The following ABI3BP variants were observed in gnomAD, a reference collection of about 807,000 sequenced individuals.
The protein encoded by ABI3BP is ABI family member 3 binding protein, also known as target of Nesh-SH3.
In ABI3BP, 216 loss-of-function variants were observed where a neutral mutation model predicts 268.6. That is an observed-to-expected ratio of 0.80 (90% CI 0.72 to 0.90). ABI3BP has a LOEUF of 0.90. Among genes scored for constraint, ABI3BP ranks in the 40% least tolerant of loss-of-function variants. The probability of loss-of-function intolerance (pLI) is 0.00; values close to 1 mark genes in which losing one functional copy is unlikely to be tolerated. For synonymous variants in ABI3BP, 730 were observed against 730.0 expected, an observed-to-expected ratio of 1.00 and a Z score of 0.00; for missense variants, 2,090 against 2,182.4, an observed-to-expected ratio of 0.96 and a Z score of 0.84.
intron 2 of ABI3BP, among the ~76,000 whole-genome samples, chr3:100,925,166 G>C (rs1026575021): frequency 2.1e-4 from 32 of 152,100 alleles, no homozygotes; most frequent in South Asian, 4.1e-4. Context: ...GCCAGATTTT[G>C]AAGTCCAACA....
chr3:100,857,062 G>A (rs2098948504), intron 14 of ABI3BP, among the ~76,000 whole-genome samples: 4 of 151,978 alleles, frequency 2.6e-5, no homozygotes, highest in Admixed American at 2.6e-4. Flanking sequence ...CACAACCTCT[G>A]AGTAATACTG....
At chr3:100,889,350 C>G (rs977939862) in intron 4 of ABI3BP, among the ~76,000 whole-genome samples, 1 of 152,112 alleles carries the variant, frequency 6.6e-6, no homozygotes, top group African/African-American at 2.4e-5. Context: ...GCCTTTTGTA[C>G]TGCACTGGAC....
intron 45 of ABI3BP, 57 bp downstream of exon 45, chr3:100,813,604 T>C (rs927150359): frequency 9.2e-6 from 12 of 1,299,416 alleles, no homozygotes; most frequent in Non-Finnish European, 1.3e-5. Context: ...CTTAGAGAAT[T>C]ACAGTATGCC....
intron 63 of ABI3BP, among the ~76,000 whole-genome samples, chr3:100,764,114 C>T (rs941623357): frequency 6.6e-6 from 1 of 152,172 alleles, no homozygotes; most frequent in African/African-American, 2.4e-5. Context: ...GCCATTTTGG[C>T]CCTCCGTGTA....
chr3:100,851,026 G>A (rs2098831851), intron 15 of ABI3BP, among the ~76,000 whole-genome samples: 1 of 152,110 alleles, frequency 6.6e-6, no homozygotes, highest in Non-Finnish European at 1.5e-5. Flanking sequence ...ATTGCTAACT[G>A]AACTCACCAC....
rs1053953984 is a variant in ABI3BP at position 100,884,278 on chromosome 3, AAG to A, written c.696+1256_696+1257del. On this transcript the variant is annotated intron_variant, in intron 6 of 67. Transcript: ENST00000471714. ...CCAACCAAACAGACAAGTTAAAAAAAAGAGAGCGAGAAAAAAAAACAGGCCTA... is the reference window on the plus strand; with the variant it reads ...CCAACCAAACAGACAAGTTAAAAAAAAGAGCGAGAAAAAAAAACAGGCCTA... Among the ~76,000 whole-genome samples the A allele has an allele frequency of 6.6e-5, 10 of 152,206 alleles. No individual in the cohort carries two copies. The South Asian group carries it at 2.1e-3, about 32-fold the overall frequency.
chr3:100,992,219 C>G (rs763138311), intron 1 of ABI3BP, among the ~76,000 whole-genome samples: 14 of 152,094 alleles, frequency 9.2e-5, no homozygotes, highest in Non-Finnish European at 1.6e-4. Context: ...TATCAACTAG[C>G]CAACCGCTTC....
intron 31 of ABI3BP, among the ~76,000 whole-genome samples, chr3:100,831,645 C>G (rs565072386): frequency 6.6e-6 from 1 of 152,210 alleles, no homozygotes; most frequent in East Asian, 1.9e-4. Context: ...AGGGTATCAA[C>G]GAGTTATCCT....
chr3:100,873,018 C>A (rs2099124534), intron 9 of ABI3BP, among the ~76,000 whole-genome samples: 1 of 152,072 alleles, frequency 6.6e-6, no homozygotes, highest in Non-Finnish European at 1.5e-5. Flanking sequence ...GTCTAATAGT[C>A]CCCAGTTAAG....
chr3:100,754,313 TTG>T (rs1428492294), intron 64 of ABI3BP, among the ~76,000 whole-genome samples: 1 of 152,232 alleles, frequency 6.6e-6, no homozygotes, highest in East Asian at 1.9e-4. Context: ...TGGGTTCCCT[TTG>T]TGGATGTACT....
chr3:100,854,602 A>G (rs1234191903), intron 14 of ABI3BP, among the ~76,000 whole-genome samples: 3 of 152,240 alleles, frequency 2.0e-5, no homozygotes, highest in Admixed American at 1.3e-4. Context: ...AAATTATCAT[A>G]TATTATTACT....
Position 100,813,564 on chromosome 3 carries a change from CTT to C in ABI3BP, c.3364+95_3364+96del, listed in dbSNP as rs926626556. 10 of 987,130 alleles carry C rather than the reference CTT, an allele frequency of 1.0e-5. No homozygotes were observed. The African/African-American group carries it at 1.5e-4, about 14-fold the overall frequency. 61.1% of individuals were successfully genotyped at this position (987,130 alleles called of 1,614,324 possible). Reference sequence around the variant, plus strand: ...TATTTACAGTTATTAATGTATATTCCTTTTTCATTTTTTATCTTTGGAAATAT... The same window carrying C: ...TATTTACAGTTATTAATGTATATTCCTTTCATTTTTTATCTTTGGAAATAT... On this transcript the variant is annotated intron_variant, in intron 45 of 67. Transcript: ENST00000471714.
At chr3:100,768,182 G>A (rs1157870902) in intron 62 of ABI3BP, among the ~76,000 whole-genome samples, 4 of 144,212 alleles carry the variant, frequency 2.8e-5, no homozygotes, top group African/African-American at 1.0e-4. Context: ...TCCGCCTCCT[G>A]GGTTCACTCC....
At chr3:100,761,326 A>G (rs1434757973) in intron 63 of ABI3BP, among the ~76,000 whole-genome samples, 1 of 152,146 alleles carries the variant, frequency 6.6e-6, no homozygotes, top group Non-Finnish European at 1.5e-5. Flanking sequence ...TTTGACTAAA[A>G]CAATCACATC....
At chr3:100,889,268 C>A (rs1448184333) in intron 4 of ABI3BP, among the ~76,000 whole-genome samples, 1 of 152,002 alleles carries the variant, frequency 6.6e-6, no homozygotes, top group East Asian at 1.9e-4. Flanking sequence ...AAAAGAGAGC[C>A]CAAGAAGTGT....
At chr3:100,771,001 G>C in intron 61 of ABI3BP, 49 bp from the exon 62 acceptor site, 1 of 1,379,086 alleles carries the variant, frequency 7.3e-7, no homozygotes, top group Non-Finnish European at 9.7e-7. Context: ...AACTCATGAA[G>C]AAGATAGAAG....
At chr3:100,976,541 G>A (rs1160720943) in intron 1 of ABI3BP, among the ~76,000 whole-genome samples, 1 of 152,156 alleles carries the variant, frequency 6.6e-6, no homozygotes, top group Non-Finnish European at 1.5e-5. Flanking sequence ...CCACCAGGAT[G>A]GTAACCATTT....
At chr3:100,973,224 G>C (rs907010014) in intron 1 of ABI3BP, among the ~76,000 whole-genome samples, 3 of 152,058 alleles carry the variant, frequency 2.0e-5, no homozygotes, top group Non-Finnish European at 2.9e-5. Flanking sequence ...CAATGTTAAT[G>C]AATCAACAAC....
In ABI3BP at chr3:100,861,045, G is replaced by A. The variant is rs147287029; in HGVS notation, c.1285+1266C>T. Among the ~76,000 whole-genome samples, 512 of 152,226 alleles carry A rather than the reference G, an allele frequency of 3.4e-3. 1 individual carries two copies. Among genetic ancestry groups the A allele is most frequent in the African/African-American group, 0.011 (467 of 41,536 alleles). ...CAGAACCCAGATTTTAGACCCAGGC[G>A]ACTTGGATTGCTAAAGGGGTTTTTG... is the stretch of plus-strand genomic sequence containing the variant. On this transcript the variant is annotated intron_variant, in intron 14 of 67. Transcript: ENST00000471714.
Sources: gnomAD v4.1 joint callset for allele counts (sites outside exome capture counted in the v4.1 genomes callset) on GRCh38, gnomAD v4.1.1 for gene constraint, MANE v1.5 for transcripts, NCBI Gene and HGNC (gene_info 2026-07-23, HGNC 2026-07-21) for gene names.